The following GMDS variants were observed in gnomAD, a reference collection of about 807,000 sequenced individuals.
GMDS encodes GDP-mannose 4,6-dehydratase.
GMDS carries 20 observed loss-of-function variants against 49.9 expected under a neutral mutation model. That is an observed-to-expected ratio of 0.40 (90% confidence interval 0.28 to 0.58). GMDS has a LOEUF of 0.58. Among genes scored for constraint, GMDS ranks in the 20% least tolerant of loss-of-function variants. The pLI, the probability that GMDS is intolerant of heterozygous loss-of-function variation, is 0.42. For missense variants in GMDS, 362 were observed against 481.4 expected (o/e 0.75, Z 2.32); for synonymous variants, 177 against 178.6 (o/e 0.99, Z 0.07).
chr6:1,889,597 A>G (rs893675325), intron 7 of GMDS, among the ~76,000 whole-genome samples: 3 of 152,156 alleles, frequency 2.0e-5, no homozygotes, highest in Admixed American at 6.5e-5. Flanking sequence ...CCTGGCATTT[A>G]TTCTTGGTTT....
intron 4 of GMDS, among the ~76,000 whole-genome samples, chr6:2,034,613 G>A (rs1217551195): frequency 6.6e-6 from 1 of 152,114 alleles, no homozygotes; most frequent in Non-Finnish European, 1.5e-5. Context: ...TTTTACCTCT[G>A]GGTTGCAACT....
chr6:2,025,000 A>G (rs2127409564), intron 4 of GMDS, among the ~76,000 whole-genome samples: 1 of 152,170 alleles, frequency 6.6e-6, no homozygotes, highest in Non-Finnish European at 1.5e-5. Context: ...TATACCATAT[A>G]CTAGTAAAAG....
chr6:1,742,747 A>T (rs1767323458), intron 7 of GMDS, among the ~76,000 whole-genome samples, 161 bp from the exon 8 acceptor site: 1 of 152,180 alleles, frequency 6.6e-6, no homozygotes, highest in African/African-American at 2.4e-5. Context: ...ACTTTTACTG[A>T]GTATCCGAAT....
intron 1 of GMDS, among the ~76,000 whole-genome samples, chr6:2,222,019 C>T (rs3800187): frequency 0.13 from 19,513 of 152,180 alleles, 1,315 homozygotes; most frequent in Middle Eastern, 0.23. Flanking sequence ...AACAGTAATT[C>T]TACCTAAATT....
intron 4 of GMDS, among the ~76,000 whole-genome samples, chr6:2,028,053 C>T (rs1476637230): frequency 2.6e-5 from 4 of 152,002 alleles, no homozygotes; most frequent in African/African-American, 4.8e-5. Flanking sequence ...TTAAAGGGCC[C>T]GCCTTAAAAA....
At position 1,965,530 on chromosome 6, in the gene GMDS, T is replaced by C. The variant is rs142079138; in HGVS notation, c.346-4564A>G. ...ATTGTGGCTGATCAATTCCTAAAGCTTAGAAGTGTTGGCCAGGCACAGTGG... is the reference window on the plus strand; with the variant it reads ...ATTGTGGCTGATCAATTCCTAAAGCCTAGAAGTGTTGGCCAGGCACAGTGG... On this transcript the variant is annotated intron_variant, in intron 4 of 10. Transcript: ENST00000380815. Among the ~76,000 whole-genome samples, 363 of 152,224 alleles carry C rather than the reference T, an allele frequency of 2.4e-3. 1 individual carries two copies. The highest frequency in any genetic ancestry group is 8.3e-3 in the African/African-American group (344 of 41,538).
At chr6:1,820,751 C>G (rs992514322) in intron 7 of GMDS, among the ~76,000 whole-genome samples, 3 of 152,166 alleles carry the variant, frequency 2.0e-5, no homozygotes, top group Non-Finnish European at 4.4e-5. Context: ...TTCTAATAAG[C>G]ACTATAGTTT....
At chr6:2,147,742 A>C (rs1776635206) in intron 1 of GMDS, among the ~76,000 whole-genome samples, 1 of 151,422 alleles carries the variant, frequency 6.6e-6, no homozygotes, top group Non-Finnish European at 1.5e-5. Flanking sequence ...TACAAAGCAG[A>C]TCATGCTACA....
intron 9 of GMDS, among the ~76,000 whole-genome samples, chr6:1,647,119 A>G (rs1367536894): frequency 1.3e-5 from 2 of 152,224 alleles, no homozygotes; most frequent in African/African-American, 2.4e-5. Flanking sequence ...GAAGAACTCC[A>G]TCCCCTCCCA....
intron 1 of GMDS, among the ~76,000 whole-genome samples, chr6:2,176,569 C>T (rs1474460882): frequency 6.6e-6 from 1 of 152,130 alleles, no homozygotes; most frequent in South Asian, 2.1e-4. Context: ...AAACCACCTA[C>T]TGGCTTAACT....
chr6:2,136,045 T>C (rs1301279941), intron 1 of GMDS, among the ~76,000 whole-genome samples: 1 of 152,166 alleles, frequency 6.6e-6, no homozygotes, highest in African/African-American at 2.4e-5. Context: ...CTGTACAGCA[T>C]GTTACTGTAC....
Position 2,002,321 on chromosome 6 carries a change from T to C in GMDS, c.346-41355A>G, listed in dbSNP as rs546532640. 1.4e-4 allele frequency among the ~76,000 whole-genome samples: 22 copies of C among 152,324 alleles called. No homozygotes were observed. The South Asian group carries it at 4.1e-3, about 29-fold the overall frequency. Reference sequence around the variant, plus strand: ...GGAAGGAAATAATCAACAAAAGTTATGTATCAGGTGGTGGCAAACACTACA... The same window carrying C: ...GGAAGGAAATAATCAACAAAAGTTACGTATCAGGTGGTGGCAAACACTACA... On this transcript the variant is annotated intron_variant, in intron 4 of 10. Coordinates refer to ENST00000380815, the MANE Select transcript of GMDS (RefSeq NM_001500.4).
chr6:1,734,426 C>A (rs898745373), intron 8 of GMDS, among the ~76,000 whole-genome samples: 38 of 152,202 alleles, frequency 2.5e-4, no homozygotes, highest in African/African-American at 8.9e-4. Context: ...CAGGCAAGTA[C>A]CATCATCTGC....
chr6:2,229,523 C>G (rs1780982202), intron 1 of GMDS, among the ~76,000 whole-genome samples: 1 of 151,968 alleles, frequency 6.6e-6, no homozygotes, highest in African/African-American at 2.4e-5. Context: ...CATGTCCAGG[C>G]TGCGGTAAGC....
At chr6:2,193,648 T>C (rs1012396059) in intron 1 of GMDS, among the ~76,000 whole-genome samples, 1 of 152,118 alleles carries the variant, frequency 6.6e-6, no homozygotes, top group African/African-American at 2.4e-5. Context: ...CATTTTAGGA[T>C]TGTAAAGGTG....
intron 7 of GMDS, among the ~76,000 whole-genome samples, chr6:1,825,924 G>T (rs751115950): frequency 6.6e-5 from 10 of 152,158 alleles, no homozygotes; most frequent in African/African-American, 2.2e-4. Context: ...GCTGAGGCAC[G>T]AGGATCACTT....
chr6:1,997,507 C>CAAA (rs542421435), intron 4 of GMDS, among the ~76,000 whole-genome samples: 1,118 of 61,522 alleles, frequency 0.018, 47 homozygotes, highest in African/African-American at 0.064. Flanking sequence ...GACTCTGTCT[C>CAAA]AAAAAAAAAA....
intron 7 of GMDS, among the ~76,000 whole-genome samples, chr6:1,888,738 T>G (rs1188502311): frequency 6.6e-6 from 1 of 152,196 alleles, no homozygotes; most frequent in Non-Finnish European, 1.5e-5. Flanking sequence ...AAGTCCCTTC[T>G]GCCTAGAAGC....
chr6:2,097,007 T>C (rs1562050921), intron 4 of GMDS, among the ~76,000 whole-genome samples: 1 of 152,068 alleles, frequency 6.6e-6, no homozygotes, highest in Non-Finnish European at 1.5e-5. Flanking sequence ...ATATATAATA[T>C]GTATATATAC....
Sources: gnomAD v4.1 joint callset for allele counts (sites outside exome capture counted in the v4.1 genomes callset) on GRCh38, gnomAD v4.1.1 for gene constraint, MANE v1.5 for transcripts, NCBI Gene and HGNC (gene_info 2026-07-23, HGNC 2026-07-21) for gene names.